FAM168A: variants seen among roughly 807,000 people sequenced by gnomAD.
The protein encoded by FAM168A is family with sequence similarity 168 member A.
Under a neutral mutation model 28.5 loss-of-function variants are expected in FAM168A, and 3 were observed. The ratio of observed to expected loss-of-function variants is 0.11; its 90% CI spans 0.05 to 0.27. The LOEUF is 0.27. Among genes scored for constraint, FAM168A ranks in the 10% least tolerant of loss-of-function variants. The pLI is 1.00. For missense variants in FAM168A, 222 were observed against 311.5 expected (o/e 0.71, Z 2.16); for synonymous variants, 122 against 124.2 (o/e 0.98, Z 0.12).
chr11:73,429,190 A>C (rs1165519994), intron 3 of FAM168A, among the ~76,000 whole-genome samples: 1 of 152,014 alleles, frequency 6.6e-6, no homozygotes, highest in East Asian at 1.9e-4. Flanking sequence ...TTCTCCTTTA[A>C]GTAAGCCCCA....
chr11:73,449,787 C>T (rs1323304976), intron 2 of FAM168A, among the ~76,000 whole-genome samples: 1 of 152,242 alleles, frequency 6.6e-6, no homozygotes, highest in Non-Finnish European at 1.5e-5. Flanking sequence ...ATTGTGACAG[C>T]ACTTGTGGTA....
intron 1 of FAM168A, among the ~76,000 whole-genome samples, chr11:73,482,122 C>T (rs139241016): frequency 6.6e-6 from 1 of 151,500 alleles, no homozygotes; most frequent in Non-Finnish European, 1.5e-5. Flanking sequence ...TTATAAATTA[C>T]CCAGTCTCAG....
chr11:73,521,755 C>T (rs930792544), intron 1 of FAM168A, among the ~76,000 whole-genome samples: 11 of 152,154 alleles, frequency 7.2e-5, no homozygotes, highest in African/African-American at 2.7e-4. Flanking sequence ...ACTGACTCAT[C>T]CTGAGGCCCT....
rs144268106 is a variant in FAM168A, at chr11:73,539,696, C to T, written c.-19+58227G>A. ...GAGCATCCTTTACAGTGCAGTTCAC[C>T]ATCTGTGCTAGATGCTTCATTAAGT... On this transcript the variant is annotated intron_variant, in intron 1 of 7. Transcript: ENST00000356467. Among the ~76,000 whole-genome samples the T allele has an allele frequency of 4.0e-4, 61 of 152,328 alleles. 1 individual carries two copies. Among genetic ancestry groups the T allele is most frequent in the African/African-American group, 1.4e-3 (60 of 41,572 alleles).
intron 3 of FAM168A, chr11:73,425,085 G>C: frequency 6.7e-7 from 1 of 1,499,406 alleles, no homozygotes; most frequent in South Asian, 1.2e-5. Flanking sequence ...TTACCACTAA[G>C]AATTTGTGCA....
At chr11:73,564,771 G>C (rs1471390887) in intron 1 of FAM168A, among the ~76,000 whole-genome samples, 4 of 146,276 alleles carry the variant, frequency 2.7e-5, no homozygotes, top group Admixed American at 6.8e-5. Flanking sequence ...AAGAAGGCTA[G>C]AGGTATAGCT....
intron 2 of FAM168A, among the ~76,000 whole-genome samples, chr11:73,445,833 ATC>A (rs1447983501): frequency 6.6e-6 from 1 of 152,176 alleles, no homozygotes; most frequent in Non-Finnish European, 1.5e-5. Flanking sequence ...CAAATATTCT[ATC>A]TCTGTTTCCT....
At chr11:73,586,932 G>GT (rs1157965056) in intron 1 of FAM168A, among the ~76,000 whole-genome samples, 2 of 151,944 alleles carry the variant, frequency 1.3e-5, no homozygotes, top group Non-Finnish European at 2.9e-5. Context: ...CAACTCTAAA[G>GT]TTTTTTTATT....
chr11:73,433,367 CA>C (rs35834079), intron 2 of FAM168A, among the ~76,000 whole-genome samples: 40,971 of 143,260 alleles, frequency 0.29, 5,660 homozygotes, highest in South Asian at 0.35. Flanking sequence ...GCCTTTGATG[CA>C]AAAAAAAAAA....
intron 1 of FAM168A, among the ~76,000 whole-genome samples, chr11:73,516,852 T>C (rs1382123939): frequency 6.6e-6 from 1 of 152,216 alleles, no homozygotes; most frequent in African/African-American, 2.4e-5. Context: ...AAAATATTTA[T>C]TATGCACTTT....
chr11:73,506,437 G>A (rs756096887), intron 1 of FAM168A, among the ~76,000 whole-genome samples: 12 of 151,840 alleles, frequency 7.9e-5, no homozygotes, highest in Admixed American at 2.0e-4. Context: ...TTTAAAGAAG[G>A]CAGTGATTCA....
At chr11:73,416,843 G>A (rs1866702448) in intron 4 of FAM168A, among the ~76,000 whole-genome samples, 1 of 152,152 alleles carries the variant, frequency 6.6e-6, no homozygotes, top group African/African-American at 2.4e-5. Flanking sequence ...CTACATGGGA[G>A]GCTGCGGAGG....
rs1265828989 is a variant in FAM168A, at chr11:73,498,463, C to T, written c.-18-29971G>A. On this transcript the variant is annotated intron_variant, in intron 1 of 7. Coordinates refer to ENST00000356467, the MANE Select transcript of FAM168A (RefSeq NM_015159.3). The stretch of plus-strand genomic sequence containing the variant: ...TGCCACTGGGACACACAGATTCTTA[C>T]AGCCTCTTAGCTGGAATCTGCTTAA... Among the ~76,000 whole-genome samples, 4 of 152,324 alleles carry T rather than the reference C, an allele frequency of 2.6e-5. No homozygotes were observed. The South Asian group carries it at 6.2e-4, about 24-fold the overall frequency.
At chr11:73,461,307 G>A (rs1009456348) in intron 2 of FAM168A, among the ~76,000 whole-genome samples, 1 of 151,984 alleles carries the variant, frequency 6.6e-6, no homozygotes, top group African/African-American at 2.4e-5. Context: ...TTATAGAGAT[G>A]AGGTCTCGCC....
chr11:73,411,668 CAG>C (rs1866613503), intron 4 of FAM168A, 132 bp from the exon 5 acceptor site: 4 of 966,582 alleles, frequency 4.1e-6, no homozygotes, highest in East Asian at 2.6e-5. Flanking sequence ...TGAGAACAAA[CAG>C]AGAACAGGGC....
At chr11:73,544,195 T>A (rs920944377) in intron 1 of FAM168A, among the ~76,000 whole-genome samples, 2 of 152,174 alleles carry the variant, frequency 1.3e-5, no homozygotes, top group African/African-American at 2.4e-5. Context: ...TCAGCATCAT[T>A]AGCCACCAGG....
chr11:73,495,765 A>G (rs755528966), intron 1 of FAM168A, among the ~76,000 whole-genome samples: 2 of 152,224 alleles, frequency 1.3e-5, no homozygotes, highest in African/African-American at 2.4e-5. Context: ...AAAAAAACAG[A>G]AAATAGCAAA....
intron 3 of FAM168A, among the ~76,000 whole-genome samples, chr11:73,421,296 T>G (rs542883994): frequency 6.6e-6 from 1 of 152,316 alleles, no homozygotes; most frequent in South Asian, 2.1e-4. Flanking sequence ...TCTGGTTCCT[T>G]CGATCCCAGA....
At chr11:73,504,792 G>T (rs756158275) in intron 1 of FAM168A, among the ~76,000 whole-genome samples, 6 of 152,042 alleles carry the variant, frequency 3.9e-5, no homozygotes, top group Non-Finnish European at 5.9e-5. Context: ...AAGAAAATGT[G>T]GTACATACAT....
Sources: allele counts gnomAD v4.1 joint callset (sites outside exome capture counted in the v4.1 genomes callset), GRCh38; gene constraint gnomAD v4.1.1; transcripts MANE v1.5; gene names NCBI Gene and HGNC (gene_info 2026-07-23, HGNC 2026-07-21).